PRKCE: variants seen among roughly 807,000 people sequenced by gnomAD.
The protein encoded by PRKCE is protein kinase C epsilon, also known as protein kinase C epsilon type.
A neutral mutation model predicts 85.4 loss-of-function variants in PRKCE; 16 were observed. That is an observed-to-expected ratio of 0.19 (90% CI 0.13 to 0.28). PRKCE has a LOEUF of 0.28. PRKCE is among the 10% of genes least tolerant of loss of function. The pLI is 1.00. For synonymous variants in PRKCE, 388 were observed against 371.5 expected (o/e 1.04, Z -0.51); for missense variants, 573 against 975.2 (o/e 0.59, Z 5.49).
intron 1 of PRKCE, among the ~76,000 whole-genome samples, chr2:45,829,786 A>G (rs374775766): frequency 5.9e-5 from 9 of 152,196 alleles, no homozygotes; most frequent in African/African-American, 1.9e-4. Context: ...AAAAATTGGA[A>G]GGCTCGGCCG....
chr2:46,101,150 G>A (rs1036351187), intron 11 of PRKCE, among the ~76,000 whole-genome samples: 1 of 152,186 alleles, frequency 6.6e-6, no homozygotes, highest in Non-Finnish European at 1.5e-5. Context: ...TTACAGGTGT[G>A]AGCCACCATG....
chr2:45,679,662 C>T (rs1676735811), intron 1 of PRKCE, among the ~76,000 whole-genome samples: 1 of 152,072 alleles, frequency 6.6e-6, no homozygotes, highest in African/African-American at 2.4e-5. Flanking sequence ...AGAGTGGGTG[C>T]ATGTGGAACA....
At chr2:45,947,789 G>A (rs568018728) in intron 2 of PRKCE, among the ~76,000 whole-genome samples, 1 of 152,308 alleles carries the variant, frequency 6.6e-6, no homozygotes, top group Non-Finnish European at 1.5e-5. Flanking sequence ...CAGCATTTCT[G>A]TAGAATTAAA....
At chr2:45,681,161 C>A (rs908663289) in intron 1 of PRKCE, among the ~76,000 whole-genome samples, 1 of 151,624 alleles carries the variant, frequency 6.6e-6, no homozygotes, top group South Asian at 2.1e-4. Context: ...TGGTAGCATG[C>A]ACCTGTAATC....
At chr2:45,771,954 C>G (rs1350216574) in intron 1 of PRKCE, among the ~76,000 whole-genome samples, 1 of 152,134 alleles carries the variant, frequency 6.6e-6, no homozygotes, top group East Asian at 1.9e-4. Context: ...ACCACAGCCC[C>G]CAACTCTCTG....
At chr2:46,017,488 T>C (rs191955866) in intron 10 of PRKCE, among the ~76,000 whole-genome samples, 1 of 152,270 alleles carries the variant, frequency 6.6e-6, no homozygotes, top group East Asian at 1.9e-4. Flanking sequence ...TTTTGGCTAC[T>C]ATGAATAATG....
At chr2:46,022,442 T>C (rs982366669) in intron 10 of PRKCE, among the ~76,000 whole-genome samples, 2 of 152,128 alleles carry the variant, frequency 1.3e-5, no homozygotes, top group Non-Finnish European at 2.9e-5. Context: ...TCCTTCTGTT[T>C]AGTGGTCTAG....
At chr2:45,970,616 G>C (rs1005667306) in intron 2 of PRKCE, among the ~76,000 whole-genome samples, 2 of 152,074 alleles carry the variant, frequency 1.3e-5, no homozygotes, top group Non-Finnish European at 2.9e-5. Flanking sequence ...GCTCTGGGTA[G>C]CTCCTGGGTG....
intron 1 of PRKCE, among the ~76,000 whole-genome samples, chr2:45,762,666 G>T (rs774300929): frequency 2.6e-5 from 4 of 152,188 alleles, no homozygotes; most frequent in Non-Finnish European, 4.4e-5. Flanking sequence ...GAGTTGCATG[G>T]ATAGCTTCAT....
chr2:45,946,022 A>C (rs1395989773), intron 2 of PRKCE, among the ~76,000 whole-genome samples: 2 of 152,256 alleles, frequency 1.3e-5, no homozygotes, highest in Non-Finnish European at 2.9e-5. Flanking sequence ...TTTTGTGTTC[A>C]TTAATGACTA....
chr2:45,861,174 T>C (rs750170341), intron 2 of PRKCE, among the ~76,000 whole-genome samples: 8 of 152,092 alleles, frequency 5.3e-5, no homozygotes, highest in Non-Finnish European at 1.2e-4. Context: ...TTGCCTGATG[T>C]GAATGCTCCT....
intron 10 of PRKCE, among the ~76,000 whole-genome samples, chr2:46,029,163 A>C (rs535957918): frequency 1.3e-5 from 2 of 152,240 alleles, no homozygotes; most frequent in Non-Finnish European, 2.9e-5. Flanking sequence ...CTCTTTACGT[A>C]TGTTGATTAA....
At chr2:45,709,147 G>A (rs974792299) in intron 1 of PRKCE, among the ~76,000 whole-genome samples, 1 of 152,222 alleles carries the variant, frequency 6.6e-6, no homozygotes, top group Non-Finnish European at 1.5e-5. Context: ...AAGAGTAGGA[G>A]GTGAAGACCC....
chr2:45,944,918 C>A lies in PRKCE; in HGVS notation c.413-31511C>A, dbSNP rs148112350. Among the ~76,000 whole-genome samples, 346 of 152,176 alleles carry A rather than the reference C, an allele frequency of 2.3e-3. 3 individuals carry two copies. Among genetic ancestry groups the A allele is most frequent in the African/African-American group, 7.8e-3 (322 of 41,494 alleles). On this transcript the variant is annotated intron_variant, in intron 2 of 14. Transcript: ENST00000306156. ...ATTTTGCAAATGGATACAGAGGTGG[C>A]CCTAGGTAGAGTGGGGACACCTGTT...
chr2:45,846,465 A>G (rs1309132421), intron 2 of PRKCE, among the ~76,000 whole-genome samples: 1 of 152,178 alleles, frequency 6.6e-6, no homozygotes, highest in Non-Finnish European at 1.5e-5. Context: ...AAGTAGGCCC[A>G]TTGGTATGTT....
At chr2:45,983,199 C>G (rs1011236152) in intron 5 of PRKCE, among the ~76,000 whole-genome samples, 1 of 152,216 alleles carries the variant, frequency 6.6e-6, no homozygotes, top group Admixed American at 6.5e-5. Flanking sequence ...TCAGCCATTC[C>G]TTGGAACTGG....
At chr2:45,723,972 C>T (rs1680842814) in intron 1 of PRKCE, among the ~76,000 whole-genome samples, 1 of 152,208 alleles carries the variant, frequency 6.6e-6, no homozygotes, top group African/African-American at 2.4e-5. Flanking sequence ...TGAGGAGACC[C>T]TGCTTTCAGC....
intron 2 of PRKCE, among the ~76,000 whole-genome samples, chr2:45,919,173 A>G (rs191888815): frequency 1.3e-5 from 2 of 152,322 alleles, no homozygotes; most frequent in African/African-American, 4.8e-5. Context: ...GTTGTGGGGT[A>G]GACAGAGGGG....
chr2:45,870,276 A>T (rs1487369077), intron 2 of PRKCE, among the ~76,000 whole-genome samples: 4 of 152,188 alleles, frequency 2.6e-5, no homozygotes, highest in African/African-American at 4.8e-5. Context: ...AGTGCAATTC[A>T]TGGAGTACTT....
Sources: gnomAD v4.1 joint callset for allele counts (sites outside exome capture counted in the v4.1 genomes callset) on GRCh38, gnomAD v4.1.1 for gene constraint, MANE v1.5 for transcripts, NCBI Gene and HGNC (gene_info 2026-07-23, HGNC 2026-07-21) for gene names.